The following PRKN variants were observed in gnomAD, a reference collection of about 807,000 sequenced individuals.
PRKN encodes the protein parkin RBR E3 ubiquitin protein ligase.
In PRKN, 56 loss-of-function variants were observed where a neutral mutation model predicts 59.5. That is an observed-to-expected ratio of 0.94 (90% CI 0.76 to 1.18). The LOEUF is 1.18. PRKN is among the 50% of genes most tolerant of loss of function. PRKN has a pLI of 0.00. For synonymous variants in PRKN, 250 were observed against 222.1 expected, an observed-to-expected ratio of 1.13 and a Z score of -1.12; for missense variants, 657 against 596.4, an observed-to-expected ratio of 1.10 and a Z score of -1.06.
At chr6:162,486,226 G>A (rs1792533448) in intron 1 of PRKN, among the ~76,000 whole-genome samples, 2 of 152,252 alleles carry the variant, frequency 1.3e-5, no homozygotes, top group Middle Eastern at 3.4e-3. Flanking sequence ...ATATGTATAT[G>A]TACGTATGTA....
chr6:162,238,776 C>G (rs1190666524), intron 3 of PRKN, among the ~76,000 whole-genome samples: 1 of 152,174 alleles, frequency 6.6e-6, no homozygotes, highest in Non-Finnish European at 1.5e-5. Flanking sequence ...TGTCCACTCC[C>G]CACACATTGC....
At chr6:162,600,743 G>C (rs1781674690) in intron 1 of PRKN, among the ~76,000 whole-genome samples, 2 of 152,106 alleles carry the variant, frequency 1.3e-5, no homozygotes, top group South Asian at 4.1e-4. Flanking sequence ...TTGTTTAAAA[G>C]TGTGTAGCCC....
At chr6:161,411,436 TGTGA>T (rs1354998854) in intron 9 of PRKN, among the ~76,000 whole-genome samples, 1 of 152,204 alleles carries the variant, frequency 6.6e-6, no homozygotes, top group African/African-American at 2.4e-5. Flanking sequence ...CATGTGGAAT[TGTGA>T]GTCAGTTAAA....
At chr6:162,039,178 G>T (rs144102519) in intron 5 of PRKN, among the ~76,000 whole-genome samples, 475 of 151,754 alleles carry the variant, frequency 3.1e-3, no homozygotes, top group African/African-American at 0.011. Flanking sequence ...AAAAGTGCTT[G>T]CTACTGTTTG....
chr6:162,430,364 C>T (rs550378709), intron 2 of PRKN, among the ~76,000 whole-genome samples: 2 of 152,184 alleles, frequency 1.3e-5, no homozygotes, highest in Admixed American at 1.3e-4. Flanking sequence ...AACTAATGCA[C>T]CAAAGGTCAA....
At position 161,359,086 on chromosome 6, in the gene PRKN, G is replaced by A. The variant is rs912566647; in HGVS notation, c.1285+1002C>T. On this transcript the variant is annotated intron_variant, in intron 11 of 11. Transcript: ENST00000366898. This position sits in a 1 kb window ranked among gnomAD's most constrained non-coding sequence, Gnocchi z 5.4. ...TGGGATTACAGGCGTGAGCCACCGC[G>A]CCCGGCCGCCTTCTGCTCTTTATAG... Among the ~76,000 whole-genome samples the A allele has an allele frequency of 9.2e-5, 14 of 152,038 alleles. No homozygotes were observed. The highest frequency in any genetic ancestry group is 1.5e-5 in the Non-Finnish European group (1 of 68,006).
intron 2 of PRKN, among the ~76,000 whole-genome samples, chr6:162,273,407 G>A (rs886266419): frequency 5.3e-4 from 80 of 152,104 alleles, no homozygotes; most frequent in African/African-American, 1.7e-3. Context: ...AACATATTGA[G>A]CTGACAATGT....
chr6:161,576,943 G>A lies in PRKN; in HGVS notation c.872-7527C>T, dbSNP rs536667746. Reference sequence around the variant, plus strand: ...CAATGTCATTTACAGAAAGTTTAGAGAATCTATTAAACAATGTCGATGCAC... The same window carrying A: ...CAATGTCATTTACAGAAAGTTTAGAAAATCTATTAAACAATGTCGATGCAC... On this transcript the variant is annotated intron_variant, in intron 7 of 11. Transcript: ENST00000366898. The surrounding 1 kb of genome is among the most constrained non-coding windows in gnomAD (Gnocchi z 4.6). Among the ~76,000 whole-genome samples the A allele has an allele frequency of 1.7e-3, 265 of 152,222 alleles. No homozygotes were observed. The highest frequency in any genetic ancestry group is 4.2e-3 in the South Asian group (20 of 4,812).
intron 1 of PRKN, among the ~76,000 whole-genome samples, chr6:162,503,452 C>A (rs1793469049): frequency 1.3e-5 from 2 of 152,132 alleles, no homozygotes; most frequent in African/African-American, 4.8e-5. Context: ...GCATGAGCCA[C>A]CGTGCCTGGC....
At chr6:162,235,956 AG>A (rs1778655865) in intron 3 of PRKN, among the ~76,000 whole-genome samples, 2 of 86,772 alleles carry the variant, frequency 2.3e-5, no homozygotes, top group Non-Finnish European at 4.1e-5. Flanking sequence ...GAAGGAAGAA[AG>A]GAAGAAAGAA....
intron 5 of PRKN, among the ~76,000 whole-genome samples, chr6:162,013,290 A>G (rs887953109): frequency 1.3e-5 from 2 of 152,256 alleles, no homozygotes; most frequent in South Asian, 2.1e-4. Flanking sequence ...AGAGTAGCCA[A>G]TGGGAGCCCT....
chr6:162,293,791 G>A (rs531290539), intron 2 of PRKN, among the ~76,000 whole-genome samples: 1 of 152,322 alleles, frequency 6.6e-6, no homozygotes, highest in South Asian at 2.1e-4. Flanking sequence ...GACAGAAAGA[G>A]AGAGAGACAG....
At chr6:161,971,868 CAG>C (rs763088795) in intron 6 of PRKN, among the ~76,000 whole-genome samples, 1 of 152,126 alleles carries the variant, frequency 6.6e-6, no homozygotes, top group Admixed American at 6.6e-5. Context: ...TTCCAAAAGC[CAG>C]AGAGAGACAA....
At chr6:161,879,568 G>A (rs1440031421) in intron 6 of PRKN, among the ~76,000 whole-genome samples, 2 of 151,982 alleles carry the variant, frequency 1.3e-5, no homozygotes, top group African/African-American at 4.8e-5. Context: ...GGATGGTCTC[G>A]ATCTCCTGAC....
chr6:161,627,208 T>G (rs1045391163), intron 7 of PRKN, among the ~76,000 whole-genome samples: 3 of 152,240 alleles, frequency 2.0e-5, no homozygotes, highest in African/African-American at 7.2e-5. Flanking sequence ...TCAGTCATGC[T>G]AAGATGATCT....
In PRKN at chr6:161,392,706, G is replaced by C. The variant is rs140815594; in HGVS notation, c.1084-5829C>G. ...GTATGTTTTCAAGCTTGAGAGCTTG[G>C]TGCCACACTTTTAACTTAATTCTAG... On this transcript the variant is annotated intron_variant, in intron 9 of 11. Transcript: ENST00000366898. Among the ~76,000 whole-genome samples the C allele has an allele frequency of 8.2e-4, 125 of 151,742 alleles. 3 individuals are homozygous for C. The East Asian group carries it at 0.023, about 28-fold the overall frequency.
intron 3 of PRKN, among the ~76,000 whole-genome samples, chr6:162,239,510 G>A (rs1356810030): frequency 6.6e-6 from 1 of 151,970 alleles, no homozygotes; most frequent in African/African-American, 2.4e-5. Context: ...GCCATCCAAC[G>A]CAGCGCAGAG....
intron 6 of PRKN, among the ~76,000 whole-genome samples, chr6:161,809,735 C>T (rs1453415267): frequency 1.3e-5 from 2 of 151,878 alleles, no homozygotes; most frequent in South Asian, 4.2e-4. Context: ...CTTAGGGCAC[C>T]CTTCACACTG....
intron 7 of PRKN, among the ~76,000 whole-genome samples, chr6:161,599,501 T>C (rs1357409554): frequency 6.6e-6 from 1 of 152,230 alleles, no homozygotes; most frequent in Non-Finnish European, 1.5e-5. Context: ...ATAACGTTTC[T>C]TTAGAGTTCT....
Sources: allele counts gnomAD v4.1 joint callset (sites outside exome capture counted in the v4.1 genomes callset), GRCh38; gene constraint gnomAD v4.1.1; non-coding constraint Gnocchi (gnomAD v3.1); transcripts MANE v1.5; gene names NCBI Gene and HGNC (gene_info 2026-07-23, HGNC 2026-07-21).